The following CSMD1 variants were observed in gnomAD, a reference collection of about 807,000 sequenced individuals.
CSMD1 encodes the protein CUB and Sushi multiple domains 1.
In CSMD1, 213 loss-of-function variants were observed where a neutral mutation model predicts 417.5. The ratio of observed to expected loss-of-function variants is 0.51; its 90% confidence interval spans 0.46 to 0.57. The LOEUF is 0.57. CSMD1 is among the 20% of genes least tolerant of loss of function. The pLI is 0.00. For synonymous variants in CSMD1, 2,862 were observed against 1,736.8 expected (o/e 1.65, Z -16.11); for missense variants, 6,923 against 4,529.7 (o/e 1.53, Z -15.17).
intron 1 of CSMD1, among the ~76,000 whole-genome samples, chr8:4,941,771 A>G (rs539888194): frequency 6.6e-6 from 1 of 151,924 alleles, no homozygotes; most frequent in African/African-American, 2.4e-5. Flanking sequence ...ACTGATTTTC[A>G]ATTCTTTTGT....
intron 10 of CSMD1, among the ~76,000 whole-genome samples, chr8:3,511,768 A>G (rs1797079529): frequency 1.4e-4 from 2 of 13,938 alleles, no homozygotes; most frequent in African/African-American, 5.7e-4. Context: ...AAAAAATAAC[A>G]TAACATAACA....
At chr8:4,157,464 A>T (rs1183282448) in intron 3 of CSMD1, among the ~76,000 whole-genome samples, 1 of 149,528 alleles carries the variant, frequency 6.7e-6, no homozygotes, top group Non-Finnish European at 1.5e-5. Context: ...TCCCTCCTTC[A>T]CTTCCTTCCT....
At chr8:4,651,801 C>G (rs1388113304) in intron 1 of CSMD1, among the ~76,000 whole-genome samples, 1 of 152,108 alleles carries the variant, frequency 6.6e-6, no homozygotes, top group Non-Finnish European at 1.5e-5. Flanking sequence ...TTAGGGGTGA[C>G]CTAATTTGAT....
Position 4,144,626 on chromosome 8 carries a change from G to T in CSMD1, c.416-112527C>A, listed in dbSNP as rs151213129. 8.7e-3 allele frequency among the ~76,000 whole-genome samples: 1,307 copies of T among 151,072 alleles called. 25 individuals are homozygous for T. The highest frequency in any genetic ancestry group is 0.012 in the Non-Finnish European group (847 of 68,034). ...GGTGAAGACAAGCTTGTTCTTGTTT[G>T]TCTGGAGCTTCTTTTTATCAGGAGA... On this transcript the variant is annotated intron_variant, in intron 3 of 69. Coordinates refer to ENST00000635120, the MANE Select transcript of CSMD1 (RefSeq NM_033225.6).
At chr8:3,479,180 C>T (rs1817596229) in intron 11 of CSMD1, among the ~76,000 whole-genome samples, 1 of 152,306 alleles carries the variant, frequency 6.6e-6, no homozygotes, top group East Asian at 1.9e-4. Flanking sequence ...CCCCAGCCCA[C>T]AAAATAGGCT....
intron 3 of CSMD1, among the ~76,000 whole-genome samples, chr8:4,334,290 C>T (rs1800034041): frequency 1.3e-5 from 2 of 152,080 alleles, no homozygotes; most frequent in Admixed American, 1.3e-4. Flanking sequence ...TTTGGTCAAA[C>T]ACTATTCCAG....
At position 3,980,679 on chromosome 8, in the gene CSMD1, T is replaced by C. The variant is rs545825467; in HGVS notation, c.818+17224A>G. ...GAAAATATACAAGGGTTTCTGCCTA[T>C]TGAGAATCTGGAGAATTTAAAAGAA... On this transcript the variant is annotated intron_variant, in intron 5 of 69. Coordinates refer to ENST00000635120, the MANE Select transcript of CSMD1 (RefSeq NM_033225.6). 3.9e-5 allele frequency among the ~76,000 whole-genome samples: 6 copies of C among 152,296 alleles called. No individual in the cohort carries two copies. The East Asian group carries it at 7.7e-4, about 20-fold the overall frequency.
intron 10 of CSMD1, among the ~76,000 whole-genome samples, chr8:3,526,665 C>T (rs145703077): frequency 1.2e-4 from 19 of 152,270 alleles, no homozygotes; most frequent in South Asian, 8.3e-4. Flanking sequence ...ACACTATTTG[C>T]CCGGATGCAA....
intron 3 of CSMD1, among the ~76,000 whole-genome samples, chr8:4,303,645 T>C (rs1228968339): frequency 6.6e-6 from 1 of 151,956 alleles, no homozygotes; most frequent in East Asian, 1.9e-4. Context: ...GGGAAGTTTT[T>C]CACTTTTTTA....
chr8:3,518,704 G>A (rs532374321), intron 10 of CSMD1, among the ~76,000 whole-genome samples: 13 of 152,178 alleles, frequency 8.5e-5, no homozygotes, highest in Non-Finnish European at 1.6e-4. Flanking sequence ...ATTTAAGTAA[G>A]TAGTTGGTGT....
chr8:4,124,701 C>T (rs1447636245), intron 3 of CSMD1, among the ~76,000 whole-genome samples: 1 of 152,162 alleles, frequency 6.6e-6, no homozygotes, highest in Non-Finnish European at 1.5e-5. Flanking sequence ...ATAGGGACTT[C>T]CCTAAGGGGG....
chr8:4,127,501 C>G (rs1037891026), intron 3 of CSMD1, among the ~76,000 whole-genome samples: 1 of 149,136 alleles, frequency 6.7e-6, no homozygotes, highest in African/African-American at 2.5e-5. Context: ...AAACTAACTT[C>G]AACTGCAGAC....
intron 3 of CSMD1, among the ~76,000 whole-genome samples, chr8:4,074,854 T>TC (rs1411085561): frequency 6.6e-5 from 10 of 152,136 alleles, no homozygotes; most frequent in Non-Finnish European, 1.3e-4. Context: ...GAGTTTTTTT[T>TC]CTCTCCTCCA....
At chr8:3,921,485 T>C (rs1433415198) in intron 5 of CSMD1, among the ~76,000 whole-genome samples, 2 of 152,120 alleles carry the variant, frequency 1.3e-5, no homozygotes, top group African/African-American at 4.8e-5. Flanking sequence ...TAAAGTTAGG[T>C]TGCTTATATA....
At chr8:3,826,643 G>C (rs1470283265) in intron 5 of CSMD1, among the ~76,000 whole-genome samples, 8 of 152,128 alleles carry the variant, frequency 5.3e-5, no homozygotes, top group Non-Finnish European at 1.5e-5. Context: ...TGGATTCTCT[G>C]TTTATCTGCA....
At chr8:4,321,376 C>T (rs996405223) in intron 3 of CSMD1, among the ~76,000 whole-genome samples, 2 of 152,078 alleles carry the variant, frequency 1.3e-5, no homozygotes, top group East Asian at 3.9e-4. Context: ...AGCATAAGAA[C>T]GGAGCAATCA....
Position 3,110,138 on chromosome 8 carries a change from G to A in CSMD1, c.6608+20C>T. 2.7e-5 allele frequency: 43 copies of A among 1,574,252 alleles called. No homozygotes were observed. Among genetic ancestry groups the A allele is most frequent in the Non-Finnish European group, 3.5e-5 (41 of 1,156,884 alleles). The stretch of plus-strand genomic sequence containing the variant: ...TGTTGATCACAATTACAGATATTTT[G>A]ACTTGAGAGGTTCTCATACCAAACA... On this transcript the variant is annotated intron_variant, in intron 43 of 69. Coordinates refer to ENST00000635120, the MANE Select transcript of CSMD1 (RefSeq NM_033225.6).
At chr8:4,531,271 A>C (rs73660901) in intron 2 of CSMD1, among the ~76,000 whole-genome samples, 3,009 of 152,326 alleles carry the variant, frequency 0.02, 85 homozygotes, top group East Asian at 0.064. Flanking sequence ...CAATCCATTA[A>C]TTAAAACAAC....
intron 12 of CSMD1, among the ~76,000 whole-genome samples, chr8:3,421,296 A>G (rs944850596): frequency 6.6e-6 from 1 of 152,298 alleles, no homozygotes; most frequent in East Asian, 1.9e-4. Context: ...CTCCACAAGG[A>G]AACAGTTGGA....
Sources: allele counts gnomAD v4.1 joint callset (sites outside exome capture counted in the v4.1 genomes callset), GRCh38; gene constraint gnomAD v4.1.1; transcripts MANE v1.5; gene names NCBI Gene and HGNC (gene_info 2026-07-23, HGNC 2026-07-21).